HSPD1: variants seen among roughly 807,000 people sequenced by gnomAD.
HSPD1 encodes 60 kDa heat shock protein, mitochondrial.
A neutral mutation model predicts 53.0 loss-of-function variants in HSPD1; 3 were observed. That is an observed-to-expected ratio of 0.06 (90% confidence interval 0.03 to 0.15). The LOEUF (loss-of-function observed/expected upper bound fraction) is 0.15, where lower values mean the gene tolerates loss of function less well. Ranked by LOEUF, HSPD1 falls within the 10% of genes least tolerant of loss-of-function variation. The pLI is 1.00. For synonymous variants in HSPD1, 200 were observed against 228.0 expected (o/e 0.88, Z 1.10); for missense variants, 431 against 694.1 (o/e 0.62, Z 4.26).
At chr2:197,497,566 A>G in intron 2 of HSPD1, 174 bp from the exon 3 acceptor site, 1 of 654,568 alleles carries the variant, frequency 1.5e-6, no homozygotes, top group Non-Finnish European at 2.7e-6. Flanking sequence ...TTCTTTGTCT[A>G]CAGACAAAAT....
At chr2:197,488,956 C>G in intron 9 of HSPD1, 46 bp downstream of exon 9, 1 of 1,607,234 alleles carries the variant, frequency 6.2e-7, no homozygotes, top group African/African-American at 1.3e-5. Context: ...CAAAATCATT[C>G]TTGGACTCAG....
chr2:197,490,829 A>AT (rs1477471439), intron 7 of HSPD1, among the ~76,000 whole-genome samples: 1 of 152,236 alleles, frequency 6.6e-6, no homozygotes, highest in Admixed American at 6.5e-5. Context: ...TTTGAGGGTC[A>AT]TTTAATAAAC....
chr2:197,486,906 G>C lies in HSPD1; in HGVS notation c.*140C>G, dbSNP rs920966690. The C allele has an allele frequency of 1.4e-6, 1 of 720,310 alleles. No individual in the cohort carries two copies. The highest frequency in any genetic ancestry group is 2.5e-6 in the Non-Finnish European group (1 of 398,306). The allele number at this position is 720,310 out of a possible 1,614,324, so 44.6% of individuals were successfully genotyped here. A position where few individuals can be genotyped will look rare whatever the true frequency, so the allele number is the denominator to read the frequency against. ...TTATATATTTTGTCAACTGAAACCA[G>C]TAACTGATGGTTATAGTGATTTTCA... On this transcript the variant is annotated 3_prime_UTR_variant, in exon 12 of 12. Transcript: ENST00000388968.
At chr2:197,491,130 A>G (rs1299248600) in intron 7 of HSPD1, among the ~76,000 whole-genome samples, 1 of 151,938 alleles carries the variant, frequency 6.6e-6, no homozygotes, top group Non-Finnish European at 1.5e-5. Context: ...TAGCAGTAAA[A>G]TGGCTTAATG....
At chr2:197,487,825 A>T (rs778302342) in intron 11 of HSPD1, 33 bp downstream of exon 11, 1 of 1,585,192 alleles carries the variant, frequency 6.3e-7, no homozygotes, top group Non-Finnish European at 8.7e-7. Flanking sequence ...AATGAACAAC[A>T]AAAGAATTTT....
chr2:197,497,715 TTTAG>T (rs754107085), intron 2 of HSPD1, among the ~76,000 whole-genome samples: 2 of 152,274 alleles, frequency 1.3e-5, no homozygotes, highest in South Asian at 2.1e-4. Context: ...TCACTTATAC[TTTAG>T]TTAGTGCCTG....
chr2:197,496,148 A>G (rs2086154643), intron 3 of HSPD1, among the ~76,000 whole-genome samples: 1 of 152,234 alleles, frequency 6.6e-6, no homozygotes, highest in Admixed American at 6.5e-5. Flanking sequence ...CCCTCAATTT[A>G]GTACGTATTA....
Position 197,494,167 on chromosome 2 carries a change from A to T in HSPD1, c.690T>A (p.Asn230Lys). 1 of 1,303,570 alleles carries T rather than the reference A, an allele frequency of 7.7e-7. No homozygotes were observed. 80.8% of individuals were successfully genotyped at this position (1,303,570 alleles called of 1,614,324 possible). Residue 230 changes from asparagine to lysine, a missense_variant, in exon 6 of 12, where the codon AAT becomes AAA. By Grantham distance (94) the Asn-to-Lys change is moderately conservative. Transcript: ENST00000388968. ...TTGATTTGTTCTTACCTTTTGATGT[A>T]TTAATAAAGTATGGAGAAATATAGC... The part of the protein sequence containing the change: ...DRGYISPYFI[N>K]TSKGQKCEFQ...
At chr2:197,499,031 C>A (rs2086200177) in intron 1 of HSPD1, 181 bp from the exon 2 acceptor site, 2 of 666,512 alleles carry the variant, frequency 3.0e-6, no homozygotes, top group Admixed American at 2.5e-5. Context: ...CTAGCGCAAG[C>A]TAAAGAGGCC....
intron 2 of HSPD1, 159 bp from the exon 3 acceptor site, chr2:197,497,551 C>T (rs1257814396): frequency 1.0e-5 from 7 of 699,324 alleles, no homozygotes; most frequent in Admixed American, 2.5e-5. Flanking sequence ...GCAAGTTTAT[C>T]GACATTCTTT....
At chr2:197,494,370 C>A (rs2086131647) in intron 5 of HSPD1, 120 bp from the exon 6 acceptor site, 2 of 682,510 alleles carry the variant, frequency 2.9e-6, no homozygotes, top group Admixed American at 5.2e-5. Flanking sequence ...GAGTATGAAA[C>A]AGCCCAGGAC....
intron 2 of HSPD1, among the ~76,000 whole-genome samples, chr2:197,497,985 A>G (rs1353624952): frequency 3.9e-5 from 6 of 152,244 alleles, no homozygotes; most frequent in Admixed American, 3.9e-4. Flanking sequence ...ACTTGACTGC[A>G]CACCACCTTC....
At chr2:197,498,894 T>G in intron 1 of HSPD1, 44 bp from the exon 2 acceptor site, 1 of 1,573,280 alleles carries the variant, frequency 6.4e-7, no homozygotes. Context: ...CCACCCGTGG[T>G]GCGCTGCAGA....
At position 197,489,856 on chromosome 2, in the gene HSPD1, CA is replaced by C. The variant is rs759970727; in HGVS notation, c.969+340del. On this transcript the variant is annotated intron_variant, in intron 8 of 11. Coordinates refer to ENST00000388968, the MANE Select transcript of HSPD1 (RefSeq NM_002156.5). ...GGTGACAGATCAAGACACCCTGTCT[CA>C]AAAAAAAAAAGAAACCCCACAGATT... Among the ~76,000 whole-genome samples the C allele has an allele frequency of 1.2e-3, 159 of 131,340 alleles. 2 individuals are homozygous for C. Among genetic ancestry groups the C allele is most frequent in the South Asian group, 9.5e-3 (39 of 4,092 alleles). The allele number at this position is 131,340 out of a possible 152,430, so 86.2% of individuals were successfully genotyped here. A position where few individuals can be genotyped will look rare whatever the true frequency, so the allele number is the denominator to read the frequency against.
chr2:197,490,400 T>C, intron 7 of HSPD1, 104 bp from the exon 8 acceptor site: 1 of 858,650 alleles, frequency 1.2e-6, no homozygotes, highest in Non-Finnish European at 1.8e-6. Flanking sequence ...CTAAGTAATC[T>C]GGTTTGGTTT....
chr2:197,488,360 T>A lies in HSPD1; in HGVS notation c.1347A>T (p.Pro449=). ...GGGCALLRCI[P]ALDSLTPANE... Reference sequence around the variant, plus strand: ...TAGCTGGAGTCAATGAGTCCAAGGCTGGAATGCATCGAAGGAGGGCACAAC... The same window carrying A: ...TAGCTGGAGTCAATGAGTCCAAGGCAGGAATGCATCGAAGGAGGGCACAAC... The change falls in exon 10 of 12, where the codon CCA becomes CCT. Residue 449 remains proline (P), a synonymous_variant. Coordinates refer to ENST00000388968, the MANE Select transcript of HSPD1 (RefSeq NM_002156.5). 6.2e-7 allele frequency: 1 copy of A among 1,614,012 alleles called. No homozygotes were observed. The highest frequency in any genetic ancestry group is 8.5e-7 in the Non-Finnish European group (1 of 1,179,866).
chr2:197,497,099 A>G (rs767566354), intron 3 of HSPD1, 41 bp downstream of exon 3: 2 of 1,602,478 alleles, frequency 1.2e-6, no homozygotes, highest in East Asian at 4.5e-5. Flanking sequence ...CTTAAAGCAC[A>G]CTGAAGTTTA....
Position 197,490,054 on chromosome 2 carries a change from C to G in HSPD1, c.969+143G>C. 3 of 710,198 alleles carry G rather than the reference C, an allele frequency of 4.2e-6. 1 individual carries two copies. The highest frequency in any genetic ancestry group is 3.1e-5 in the South Asian group (2 of 65,148). The allele number at this position is 710,198 out of a possible 1,614,324, so 44.0% of individuals were successfully genotyped here. A position where few individuals can be genotyped will look rare whatever the true frequency, so the allele number is the denominator to read the frequency against. ...TTAGGCCAGACTTGTGGCAAATTAA[C>G]GGGAATTTAATCCAACCCCTACCTT... is the stretch of plus-strand genomic sequence containing the variant. On this transcript the variant is annotated intron_variant, in intron 8 of 11. Coordinates refer to ENST00000388968, the MANE Select transcript of HSPD1 (RefSeq NM_002156.5).
chr2:197,500,273 G>GCGAC, upstream of HSPD1: 1 of 922,210 alleles, frequency 1.1e-6, no homozygotes, highest in South Asian at 1.5e-5. Flanking sequence ...GCGCGTCGGG[G>GCGAC]CGACCGCCCT....
Sources: allele counts gnomAD v4.1 joint callset (sites outside exome capture counted in the v4.1 genomes callset), GRCh38; gene constraint gnomAD v4.1.1; transcripts MANE v1.5; gene names NCBI Gene and HGNC (gene_info 2026-07-23, HGNC 2026-07-21).